The following ASPRV1 variants were observed in gnomAD, a reference collection of about 807,000 sequenced individuals.
The protein encoded by ASPRV1 is retroviral-like aspartic protease 1.
Under a neutral mutation model 11.0 loss-of-function variants are expected in ASPRV1, and 7 were observed. The observed-to-expected ratio is 0.64, with a 90% CI of 0.36 to 1.20. ASPRV1 has a LOEUF of 1.20. Ranked by LOEUF, ASPRV1 falls within the 50% of genes most tolerant of loss-of-function variation. The pLI is 0.02. For synonymous variants in ASPRV1, 136 were observed against 138.4 expected, an observed-to-expected ratio of 0.98 and a Z score of 0.12; for missense variants, 299 against 320.0, an observed-to-expected ratio of 0.93 and a Z score of 0.50.
chr2:70,043,733 C>A, the ASPRV1 span, among the ~76,000 whole-genome samples: 1 of 152,206 alleles, frequency 6.6e-6, no homozygotes, highest in Non-Finnish European at 1.5e-5. Context: ...CTGTGCCTCC[C>A]CCTTCTAAGA....
the ASPRV1 span, chr2:70,085,524 A>G: frequency 6.6e-6 from 1 of 152,246 alleles, no homozygotes; most frequent in Non-Finnish European, 1.5e-5. Context: ...TGATTTACAG[A>G]AAAACCTGGA....
chr2:69,984,610 C>CTT, the ASPRV1 span, among the ~76,000 whole-genome samples: 184 of 65,360 alleles, frequency 2.8e-3, 27 homozygotes, highest in African/African-American at 0.011. Flanking sequence ...TCAGGTCCAG[C>CTT]TTTTTTTTTT....
At chr2:69,970,248 A>G in the ASPRV1 span, among the ~76,000 whole-genome samples, 5 of 151,964 alleles carry the variant, frequency 3.3e-5, no homozygotes, top group Admixed American at 2.0e-4. Flanking sequence ...GTCATCCTAC[A>G]GGACTCCTTG....
chr2:69,958,194 C>T (rs1167228444), downstream of ASPRV1, among the ~76,000 whole-genome samples: 1 of 152,188 alleles, frequency 6.6e-6, no homozygotes, highest in Non-Finnish European at 1.5e-5. Flanking sequence ...CAGCTGTGAT[C>T]ACTCTCACCC....
chr2:70,000,864 T>C, the ASPRV1 span, among the ~76,000 whole-genome samples: 6 of 147,962 alleles, frequency 4.1e-5, no homozygotes, highest in East Asian at 9.9e-4. Flanking sequence ...AGCAGATAAT[T>C]CATCAGAAAG....
chr2:69,993,325 G>C, the ASPRV1 span: 1 of 152,508 alleles, frequency 6.6e-6, no homozygotes, highest in African/African-American at 2.4e-5. Context: ...GCCATCCCCA[G>C]GAAGTGTCCA....
the ASPRV1 span, among the ~76,000 whole-genome samples, chr2:70,084,457 C>G: frequency 1.3e-5 from 2 of 152,080 alleles, no homozygotes; most frequent in African/African-American, 4.8e-5. Context: ...AATTCAAATC[C>G]TTGCTTTACC....
the ASPRV1 span, among the ~76,000 whole-genome samples, chr2:69,948,554 G>A: frequency 6.6e-6 from 1 of 152,212 alleles, no homozygotes; most frequent in Non-Finnish European, 1.5e-5. Context: ...GATGCCTTTA[G>A]GAGGGATCAG....
At chr2:69,973,608 A>G in the ASPRV1 span, among the ~76,000 whole-genome samples, 7 of 152,224 alleles carry the variant, frequency 4.6e-5, no homozygotes, top group African/African-American at 1.7e-4. Flanking sequence ...TGGACCTCCC[A>G]AAGTGCTGGG....
the ASPRV1 span, among the ~76,000 whole-genome samples, chr2:70,065,678 A>C: frequency 6.6e-6 from 1 of 151,684 alleles, no homozygotes; most frequent in East Asian, 1.9e-4. Context: ...TTTAAAAATT[A>C]GCCAGGTGTG....
At chr2:70,067,391 A>G in the ASPRV1 span, among the ~76,000 whole-genome samples, 2 of 152,236 alleles carry the variant, frequency 1.3e-5, no homozygotes, top group Non-Finnish European at 2.9e-5. Context: ...TCTGGTCTAG[A>G]GATCTGGGCT....
chr2:69,962,186 TTAAG>T (rs2104284532), upstream of ASPRV1: 1 of 141,558 alleles, frequency 7.1e-6, no homozygotes, highest in Admixed American at 8.7e-5. Context: ...ATGGTCTTTT[TTAAG>T]TGAGTGAGGA....
the ASPRV1 span, among the ~76,000 whole-genome samples, chr2:69,946,811 G>A: frequency 2.5e-4 from 38 of 152,280 alleles, no homozygotes; most frequent in Middle Eastern, 3.4e-3. Context: ...GACAGTGGAG[G>A]GGTGGCTATT....
At chr2:69,937,069 G>T in the ASPRV1 span, 11 of 881,900 alleles carry the variant, frequency 1.2e-5, no homozygotes, top group Non-Finnish European at 1.9e-5. Context: ...GAAGCCAGGA[G>T]TCACTGGCCA....
At chr2:69,972,690 G>A in the ASPRV1 span, among the ~76,000 whole-genome samples, 1 of 152,056 alleles carries the variant, frequency 6.6e-6, no homozygotes, top group Non-Finnish European at 1.5e-5. Flanking sequence ...GTGTTCTGCA[G>A]TCCTCCTTAC....
At chr2:70,018,788 G>A in the ASPRV1 span, among the ~76,000 whole-genome samples, 2 of 152,114 alleles carry the variant, frequency 1.3e-5, no homozygotes, top group South Asian at 4.1e-4. Flanking sequence ...GTGGATTAAA[G>A]ACAAACATAA....
chr2:70,019,610 GACA>G, the ASPRV1 span, among the ~76,000 whole-genome samples: 1 of 152,182 alleles, frequency 6.6e-6, no homozygotes, highest in African/African-American at 2.4e-5. Flanking sequence ...TGTCGTTTGT[GACA>G]ACATGAGTGA....
the ASPRV1 span, chr2:70,050,901 C>T: frequency 6.6e-6 from 1 of 151,978 alleles, no homozygotes; most frequent in Non-Finnish European, 1.5e-5. Context: ...TATGATTGCA[C>T]CACTGCATTC....
the ASPRV1 span, among the ~76,000 whole-genome samples, chr2:69,998,793 C>A: frequency 1.2e-4 from 18 of 152,212 alleles, no homozygotes; most frequent in Non-Finnish European, 2.4e-4. Context: ...GGAAAAGATC[C>A]CCAGAGCTAA....
Sources: allele counts gnomAD v4.1 joint callset (sites outside exome capture counted in the v4.1 genomes callset), GRCh38; gene constraint gnomAD v4.1.1; transcripts MANE v1.5; gene names NCBI Gene and HGNC (gene_info 2026-07-23, HGNC 2026-07-21).